The following GALNT17 variants were observed in gnomAD, a reference collection of about 807,000 sequenced individuals.
The protein encoded by GALNT17 is polypeptide N-acetylgalactosaminyltransferase 17, also known as UDP-GalNAc:polypeptide N-acetylgalactosaminyltransferase-like 3.
GALNT17 carries 29 observed loss-of-function variants against 63.7 expected under a neutral mutation model. The ratio of observed to expected loss-of-function variants is 0.46; its 90% CI spans 0.34 to 0.62. The LOEUF (loss-of-function observed/expected upper bound fraction) is 0.62. Among genes scored for constraint, GALNT17 ranks in the 20% least tolerant of loss-of-function variants. The pLI, the probability that GALNT17 is intolerant of heterozygous loss-of-function variation, is 0.01. For synonymous variants in GALNT17, 305 were observed against 318.3 expected (o/e 0.96, Z 0.45); for missense variants, 603 against 799.6 (o/e 0.75, Z 2.97).
intron 1 of GALNT17, among the ~76,000 whole-genome samples, chr7:71,295,873 G>A (rs943289271): frequency 5.0e-4 from 75 of 151,416 alleles, no homozygotes; most frequent in African/African-American, 1.7e-3. Context: ...GGAATTACAG[G>A]TGCAAGCCAC....
chr7:71,421,293 ATGT>A (rs1265505370), intron 5 of GALNT17, among the ~76,000 whole-genome samples, 188 bp downstream of exon 5: 1 of 152,166 alleles, frequency 6.6e-6, no homozygotes, highest in Non-Finnish European at 1.5e-5. Flanking sequence ...TTGCACCTTT[ATGT>A]AAAGTTTTCA....
chr7:71,332,285 G>C (rs568020774), intron 1 of GALNT17, among the ~76,000 whole-genome samples: 1 of 151,484 alleles, frequency 6.6e-6, no homozygotes, highest in Non-Finnish European at 1.5e-5. Flanking sequence ...GCTGTTCCTT[G>C]GATTTGGGGA....
intron 1 of GALNT17, among the ~76,000 whole-genome samples, chr7:71,162,899 A>G (rs1788374137): frequency 6.6e-6 from 1 of 152,164 alleles, no homozygotes; most frequent in Admixed American, 6.5e-5. Flanking sequence ...ACTCAAAAGG[A>G]GTGACATGCT....
intron 5 of GALNT17, among the ~76,000 whole-genome samples, chr7:71,536,483 G>A (rs1788803790): frequency 6.6e-6 from 1 of 152,206 alleles, no homozygotes; most frequent in Non-Finnish European, 1.5e-5. Flanking sequence ...TTCCATATTG[G>A]TTGGGGAGGC....
intron 9 of GALNT17, among the ~76,000 whole-genome samples, chr7:71,702,301 A>G (rs1202826395): frequency 6.6e-6 from 1 of 152,154 alleles, no homozygotes; most frequent in Admixed American, 6.5e-5. Flanking sequence ...AGAAAAACAG[A>G]AAGATACCTA....
chr7:71,576,947 G>T (rs1364154335), intron 6 of GALNT17, among the ~76,000 whole-genome samples: 2 of 152,144 alleles, frequency 1.3e-5, no homozygotes, highest in African/African-American at 4.8e-5. Context: ...CAATGGCAAA[G>T]ACATAGAATC....
intron 1 of GALNT17, among the ~76,000 whole-genome samples, chr7:71,145,250 T>A (rs187009212): frequency 1.1e-3 from 169 of 152,216 alleles, no homozygotes; most frequent in African/African-American, 3.8e-3. Flanking sequence ...ATGTTTACCT[T>A]GTTATCCATG....
intron 1 of GALNT17, among the ~76,000 whole-genome samples, chr7:71,267,922 A>G (rs529025494): frequency 6.6e-6 from 1 of 151,280 alleles, no homozygotes; most frequent in South Asian, 2.1e-4. Context: ...CATGTGGAGA[A>G]CTGCAGGTTT....
At chr7:71,681,983 A>G (rs937981628) in intron 9 of GALNT17, among the ~76,000 whole-genome samples, 10 of 151,760 alleles carry the variant, frequency 6.6e-5, no homozygotes, top group African/African-American at 1.7e-4. Flanking sequence ...CTGGAGTGCA[A>G]TGGCGCGATC....
chr7:71,248,715 C>G (rs1383976663), intron 1 of GALNT17, among the ~76,000 whole-genome samples: 1 of 152,150 alleles, frequency 6.6e-6, no homozygotes, highest in East Asian at 1.9e-4. Context: ...GTAATACTAG[C>G]AACTCATTTC....
intron 6 of GALNT17, among the ~76,000 whole-genome samples, chr7:71,622,004 A>G (rs866996903): frequency 1.3e-5 from 2 of 152,216 alleles, no homozygotes; most frequent in African/African-American, 4.8e-5. Context: ...AGGAGAGACC[A>G]GTAAACCTTA....
chr7:71,366,402 G>A (rs1415502410), intron 2 of GALNT17, among the ~76,000 whole-genome samples: 1 of 152,112 alleles, frequency 6.6e-6, no homozygotes, highest in African/African-American at 2.4e-5. Context: ...CCAACATAGT[G>A]AAACCCTGTC....
At chr7:71,224,592 G>T (rs1789647610) in intron 1 of GALNT17, among the ~76,000 whole-genome samples, 1 of 152,120 alleles carries the variant, frequency 6.6e-6, no homozygotes, top group Non-Finnish European at 1.5e-5. Flanking sequence ...ATCCGTCCTG[G>T]TCAAAGCCAG....
rs186053080 is a variant in GALNT17, at chr7:71,420,831, G to T, written c.765-77G>T. 312 of 1,552,038 alleles carry T rather than the reference G, an allele frequency of 2.0e-4. 1 individual carries two copies. The highest frequency in any genetic ancestry group is 2.7e-4 in the Non-Finnish European group (303 of 1,127,952). On this transcript the variant is annotated intron_variant, in intron 4 of 10. Transcript: ENST00000333538. ...GCCCAGCCTTAAGTAGCTAAATGCT[G>T]TTCATTCCGTGTGGTCTTGGGAGGT...
At chr7:71,513,438 T>C (rs1424902828) in intron 5 of GALNT17, among the ~76,000 whole-genome samples, 1 of 152,016 alleles carries the variant, frequency 6.6e-6, no homozygotes, top group Non-Finnish European at 1.5e-5. Context: ...CAGGCTGGAG[T>C]GCAGTGGCAC....
chr7:71,671,599 G>A (rs1298425713), intron 8 of GALNT17, among the ~76,000 whole-genome samples: 1 of 152,190 alleles, frequency 6.6e-6, no homozygotes, highest in East Asian at 1.9e-4. Context: ...TCAAATCCTA[G>A]TAGGCTGTTA....
chr7:71,187,577 C>T (rs768623696), intron 1 of GALNT17, among the ~76,000 whole-genome samples: 16 of 151,964 alleles, frequency 1.1e-4, no homozygotes, highest in African/African-American at 3.6e-4. Flanking sequence ...ATTTCCACCT[C>T]CCCCCTCATC....
intron 1 of GALNT17, among the ~76,000 whole-genome samples, chr7:71,290,004 C>T (rs1430303820): frequency 6.6e-6 from 1 of 152,134 alleles, no homozygotes; most frequent in East Asian, 1.9e-4. Flanking sequence ...GACATAGCGC[C>T]ACTGCACTCC....
At chr7:71,458,348 A>G (rs1346394352) in intron 5 of GALNT17, among the ~76,000 whole-genome samples, 1 of 152,106 alleles carries the variant, frequency 6.6e-6, no homozygotes, top group South Asian at 2.1e-4. Flanking sequence ...CCTTAATAGG[A>G]CGGGGAGCAA....
Sources: allele counts gnomAD v4.1 joint callset (sites outside exome capture counted in the v4.1 genomes callset), GRCh38; gene constraint gnomAD v4.1.1; transcripts MANE v1.5; gene names NCBI Gene and HGNC (gene_info 2026-07-23, HGNC 2026-07-21).